The following ESR2 variants were observed in gnomAD, a reference collection of about 807,000 sequenced individuals.
ESR2 encodes the protein estrogen receptor beta.
Under a neutral mutation model 49.6 loss-of-function variants are expected in ESR2, and 36 were observed. The ratio of observed to expected loss-of-function variants is 0.73; its 90% confidence interval spans 0.56 to 0.96. The LOEUF is 0.96. ESR2 is among the 40% of genes least tolerant of loss of function. ESR2 has a pLI of 0.00. For missense variants in ESR2, 714 were observed against 693.0 expected (o/e 1.03, Z -0.34); for synonymous variants, 320 against 266.1 (o/e 1.20, Z -1.97).
upstream of ESR2, chr14:64,297,539 A>G (rs1315567028): frequency 2.6e-5 from 4 of 152,280 alleles, no homozygotes; most frequent in African/African-American, 9.7e-5. Flanking sequence ...TTACCTGTCA[A>G]CACAACCTGC....
rs1383957466 is a variant in ESR2, at chr14:64,230,019, T to C, written c.*3118A>G. Among the ~76,000 whole-genome samples, 2 of 151,412 alleles carry C rather than the reference T, an allele frequency of 1.3e-5. No individual in the cohort carries two copies. Among genetic ancestry groups the C allele is most frequent in the African/African-American group, 4.9e-5 (2 of 41,152 alleles). On this transcript the variant is annotated 3_prime_UTR_variant, in exon 9 of 9. Coordinates refer to ENST00000341099, the MANE Select transcript of ESR2 (RefSeq NM_001437.3). The stretch of plus-strand genomic sequence containing the variant: ...CATAGTAAAACCCCATCTCTACAAA[T>C]ATTAAAAGAATTAGCCAGGAGTGGT...
chr14:64,312,769 C>T (rs1443091724), intron 1 of ESR2, among the ~76,000 whole-genome samples: 3 of 151,994 alleles, frequency 2.0e-5, no homozygotes, highest in African/African-American at 7.3e-5. Context: ...ATTATCCAGG[C>T]ATGGTGGTGC....
chr14:64,248,074 G>T (rs1270579167), intron 7 of ESR2, among the ~76,000 whole-genome samples: 1 of 152,136 alleles, frequency 6.6e-6, no homozygotes, highest in Non-Finnish European at 1.5e-5. Flanking sequence ...GGTGCTTGTG[G>T]TCTCAGCTAC....
chr14:64,314,005 C>T (rs2077220634), intron 1 of ESR2, among the ~76,000 whole-genome samples: 1 of 152,048 alleles, frequency 6.6e-6, no homozygotes, highest in South Asian at 2.1e-4. Flanking sequence ...AAAAACTCAA[C>T]CACACCAGCA....
chr14:64,249,159 G>A (rs72548764), intron 7 of ESR2, among the ~76,000 whole-genome samples: 2 of 152,108 alleles, frequency 1.3e-5, no homozygotes, highest in Non-Finnish European at 2.9e-5. Flanking sequence ...GGGTAGGATT[G>A]TATCTTTACT....
chr14:64,333,708 G>A (rs568347215), intron 1 of ESR2, among the ~76,000 whole-genome samples: 4 of 151,984 alleles, frequency 2.6e-5, no homozygotes, highest in African/African-American at 4.8e-5. Context: ...TATTCACTAC[G>A]ACGAGAACAA....
chr14:64,260,550 C>T lies in ESR2; in HGVS notation c.851G>A (p.Arg284His), dbSNP rs990807529. 6 of 1,580,414 alleles carry T rather than the reference C, an allele frequency of 3.8e-6. No homozygotes were observed. In the African/African-American group the frequency reaches 5.4e-5, roughly 14 times the overall value. ...EAEPPHVLISRPSAPFTEASM... is the reference protein window; with the variant it reads ...EAEPPHVLISHPSAPFTEASM... ...GGCCTCGGTGAAGGGCGCACTGGGGCGGCTGATCAGCACATGGGGCGGCTC... is the reference window on the plus strand; with the variant it reads ...GGCCTCGGTGAAGGGCGCACTGGGGTGGCTGATCAGCACATGGGGCGGCTC... The change falls in exon 5 of 9, where the codon CGC (arginine) becomes CAC (histidine). Residue 284 changes from arginine to histidine, a missense_variant. Coordinates refer to ENST00000341099, the MANE Select transcript of ESR2 (RefSeq NM_001437.3).
intron 7 of ESR2, among the ~76,000 whole-genome samples, chr14:64,241,111 A>G (rs1039730486): frequency 3.0e-5 from 4 of 134,668 alleles, no homozygotes; most frequent in African/African-American, 8.7e-5. Context: ...GCGCCACTGC[A>G]CTCCCGCCTG....
chr14:64,256,891 T>C (rs1411309959), intron 6 of ESR2, among the ~76,000 whole-genome samples: 4 of 152,072 alleles, frequency 2.6e-5, no homozygotes. Flanking sequence ...CAGGACAACT[T>C]AAGATTATAA....
chr14:64,235,117 G>A lies in ESR2; in HGVS notation c.1259C>T (p.Ala420Val), dbSNP rs767044157. Residue 420 changes from alanine (A) to valine (V), a missense_variant, in exon 8 of 9, where the codon GCT becomes GTT. Physicochemically the swap from Ala to Val is moderately conservative, Grantham distance 64. Transcript: ENST00000341099. The part of the protein sequence containing the change: ...MYPLVTATQD[A>V]DSSRKLAHLL... ...GTGAGCCAGCTTCCGGCTGCTGTCA[G>A]CATCCTGGGTCGCTGTGACCAGAGG... is the stretch of plus-strand genomic sequence containing the variant. The A allele has an allele frequency of 6.2e-7, 1 of 1,614,042 alleles. No individual in the cohort carries two copies. Among genetic ancestry groups the A allele is most frequent in the Middle Eastern group, 1.6e-4 (1 of 6,062 alleles).
At chr14:64,271,603 G>A (rs1207526104) in intron 3 of ESR2, among the ~76,000 whole-genome samples, 1 of 152,218 alleles carries the variant, frequency 6.6e-6, no homozygotes, top group Non-Finnish European at 1.5e-5. Context: ...TAGGATTACA[G>A]GCATGAGGCA....
intron 8 of ESR2, 39 bp downstream of exon 8, chr14:64,234,931 A>G (rs1422847176): frequency 1.2e-6 from 2 of 1,600,824 alleles, no homozygotes; most frequent in South Asian, 1.1e-5. Flanking sequence ...ACATAATCCC[A>G]TCCCAAGCCC....
In ESR2 at chr14:64,282,822, T is replaced by G. The variant is rs752767552; in HGVS notation, c.164A>C (p.Asn55Thr). 12 of 1,614,204 alleles carry G rather than the reference T, an allele frequency of 7.4e-6. No individual in the cohort carries two copies. Among genetic ancestry groups the G allele is most frequent in the Non-Finnish European group, 9.3e-6 (11 of 1,180,016 alleles). Residue 55 changes from asparagine (N) to threonine (T), a missense_variant, in exon 2 of 9, where the codon AAT (asparagine) becomes ACT (threonine). Transcript: ENST00000341099. ...AMTFYSPAVM[N>T]YSIPSNVTNL... ...AGTGACATTGCTGGGAATGCTGTAA[T>G]TCATCACAGCAGGGCTATAGAATGT...
intron 5 of ESR2, among the ~76,000 whole-genome samples, chr14:64,257,874 A>G (rs2076135738): frequency 6.6e-6 from 1 of 152,114 alleles, no homozygotes; most frequent in South Asian, 2.1e-4. Context: ...AAAATTTCCT[A>G]TCCAGTGTTA....
intron 1 of ESR2, among the ~76,000 whole-genome samples, chr14:64,312,072 CAG>C (rs1429646625): frequency 6.6e-6 from 1 of 151,978 alleles, no homozygotes; most frequent in African/African-American, 2.4e-5. Context: ...ATTATATAAA[CAG>C]GGAAAAGTAG....
intron 7 of ESR2, among the ~76,000 whole-genome samples, chr14:64,241,716 A>G (rs896296498): frequency 7.2e-5 from 11 of 152,176 alleles, no homozygotes; most frequent in East Asian, 1.9e-4. Flanking sequence ...TCAATTTCCA[A>G]TTGCTCACTG....
chr14:64,236,853 C>T (rs184325372), intron 7 of ESR2, among the ~76,000 whole-genome samples: 8 of 152,186 alleles, frequency 5.3e-5, no homozygotes, highest in African/African-American at 1.9e-4. Context: ...GCAGAGACAC[C>T]ATGTTGCCCC....
At chr14:64,245,245 T>A (rs1450983167) in intron 7 of ESR2, among the ~76,000 whole-genome samples, 1 of 152,126 alleles carries the variant, frequency 6.6e-6, no homozygotes, top group Non-Finnish European at 1.5e-5. Flanking sequence ...AAAGAAGATC[T>A]CTGGCCAGGC....
At chr14:64,274,877 T>C (rs2076525139) in intron 3 of ESR2, among the ~76,000 whole-genome samples, 1 of 152,156 alleles carries the variant, frequency 6.6e-6, no homozygotes, top group Non-Finnish European at 1.5e-5. Context: ...TGTTCAGGAG[T>C]ATATGGTTTA....
Sources: gnomAD v4.1 joint callset for allele counts (sites outside exome capture counted in the v4.1 genomes callset) on GRCh38, gnomAD v4.1.1 for gene constraint, MANE v1.5 for transcripts, NCBI Gene and HGNC (gene_info 2026-07-23, HGNC 2026-07-21) for gene names.